PITPNM3: variants seen among roughly 807,000 people sequenced by gnomAD.
PITPNM3 encodes the protein membrane-associated phosphatidylinositol transfer protein 3.
Under a neutral mutation model 102.0 loss-of-function variants are expected in PITPNM3, and 26 were observed. The ratio of observed to expected loss-of-function variants is 0.25; its 90% CI spans 0.19 to 0.35. PITPNM3 has a LOEUF of 0.35. Ranked by LOEUF, PITPNM3 falls within the 10% of genes least tolerant of loss-of-function variation. The pLI is 1.00. For synonymous variants in PITPNM3, 578 were observed against 558.6 expected, an observed-to-expected ratio of 1.03 and a Z score of -0.49; for missense variants, 1,083 against 1,346.1, an observed-to-expected ratio of 0.80 and a Z score of 3.06.
chr17:6,468,270 G>A lies in PITPNM3; in HGVS notation c.1845C>T (p.Asn615=), dbSNP rs769461182. The change falls in exon 14 of 20, where the codon AAC becomes AAT. Residue 615 remains asparagine (N), a synonymous_variant. Coordinates refer to ENST00000262483, the MANE Select transcript of PITPNM3 (RefSeq NM_031220.4). This position sits in a 1 kb window ranked among gnomAD's most constrained non-coding sequence, Gnocchi z 5.2. The part of the protein sequence containing the change: ...RLDPAALSPA[N]PREKWLRKRT... ...GCTTACGAAGCCACTTCTCCCGGGG[G>A]TTGGCAGGACTCAGTGCTGCAGGGT... 21 of 1,613,784 alleles carry A rather than the reference G, an allele frequency of 1.3e-5. No homozygotes were observed. In the Admixed American group the frequency reaches 3.3e-4, roughly 26 times the overall value.
rs997829645 is a variant in PITPNM3, at chr17:6,457,061, G to A, written c.2619+533C>T. Among the ~76,000 whole-genome samples the A allele has an allele frequency of 2.7e-5, 4 of 146,800 alleles. No individual in the cohort carries two copies. Among genetic ancestry groups the A allele is most frequent in the South Asian group, 2.3e-4 (1 of 4,332 alleles). ...ACAGGCCATCTTGGCCGCACTGACC[G>A]TTCTAGCCCCGCCCCCCCACCTCCC... On this transcript the variant is annotated intron_variant, in intron 19 of 19. Transcript: ENST00000262483. The surrounding 1 kb of genome is among the most constrained non-coding windows in gnomAD (Gnocchi z 4.7).
chr17:6,508,316 C>G (rs1176865574), intron 3 of PITPNM3, among the ~76,000 whole-genome samples: 1 of 152,230 alleles, frequency 6.6e-6, no homozygotes, highest in Non-Finnish European at 1.5e-5. Flanking sequence ...TCTGGCTTGC[C>G]TAGTGCTTTC....
At chr17:6,471,392 GT>G in intron 11 of PITPNM3, 37 bp from the exon 12 acceptor site, 1 of 1,506,358 alleles carries the variant, frequency 6.6e-7, no homozygotes, top group Non-Finnish European at 8.9e-7. Flanking sequence ...TGAGTCACGT[GT>G]CTCCAGCAGA....
At chr17:6,543,467 G>A (rs1215874127) in intron 1 of PITPNM3, among the ~76,000 whole-genome samples, 3 of 152,250 alleles carry the variant, frequency 2.0e-5, no homozygotes, top group African/African-American at 7.2e-5. Context: ...GAAGGGAGAT[G>A]CCTCCCCCAT....
Position 6,474,169 on chromosome 17 carries a change from A to G in PITPNM3, c.1258+263T>C, listed in dbSNP as rs1260738253. ...CTTCCCCATAGGGCGTGACCACCGG[A>G]CAATGAGGCCACAAAGCAGCCAGGG... On this transcript the variant is annotated intron_variant, in intron 10 of 19. Coordinates refer to ENST00000262483, the MANE Select transcript of PITPNM3 (RefSeq NM_031220.4). Among the ~76,000 whole-genome samples, 5 of 152,022 alleles carry G rather than the reference A, an allele frequency of 3.3e-5. No individual in the cohort carries two copies. In the East Asian group the frequency reaches 9.7e-4, roughly 29 times the overall value.
rs1350287537 is a variant in PITPNM3 at position 6,508,009 on chromosome 17, T to G, written c.227-4435A>C. The stretch of plus-strand genomic sequence containing the variant: ...GGGATGCAGCTGGGGTTGCTGGGAA[T>G]GCTGGGGATGCAGCTGGGGTTGCTG... On this transcript the variant is annotated intron_variant, in intron 3 of 19. Transcript: ENST00000262483. 2.0e-5 allele frequency among the ~76,000 whole-genome samples: 3 copies of G among 151,362 alleles called. No homozygotes were observed. In the East Asian group the frequency reaches 5.8e-4, roughly 29 times the overall value.
rs533243385 is a variant in PITPNM3, at chr17:6,537,404, G to A, written c.118+583C>T. 7.2e-4 allele frequency among the ~76,000 whole-genome samples: 110 copies of A among 152,020 alleles called. No individual in the cohort carries two copies. Among genetic ancestry groups the A allele is most frequent in the African/African-American group, 2.1e-3 (86 of 41,470 alleles). On this transcript the variant is annotated intron_variant, in intron 2 of 19. Transcript: ENST00000262483. This position sits in a 1 kb window ranked among gnomAD's most constrained non-coding sequence, Gnocchi z 4.4. ...ATTACAGGCACCCGCCACCACACCCGGCTAATGTTTTGTATTTTTAGTAGA... is the reference window on the plus strand; with the variant it reads ...ATTACAGGCACCCGCCACCACACCCAGCTAATGTTTTGTATTTTTAGTAGA...
At chr17:6,462,522 A>AC (rs762153383) in intron 17 of PITPNM3, among the ~76,000 whole-genome samples, 5 of 151,122 alleles carry the variant, frequency 3.3e-5, no homozygotes, top group African/African-American at 4.9e-5. Context: ...ATCTTTCAAG[A>AC]CCCCCCTTCC....
chr17:6,511,710 A>T (rs190725199), intron 3 of PITPNM3, among the ~76,000 whole-genome samples: 1 of 152,262 alleles, frequency 6.6e-6, no homozygotes, highest in East Asian at 1.9e-4. Context: ...TTGGCCAGGC[A>T]CAGTGGCTCA....
intron 8 of PITPNM3, 29 bp downstream of exon 8, chr17:6,477,946 C>T (rs764662806): frequency 1.9e-6 from 3 of 1,609,084 alleles, no homozygotes; most frequent in Admixed American, 1.7e-5. Context: ...TGGGCATACC[C>T]CTCCCGCGGT....
chr17:6,530,785 G>A (rs1048700892), intron 2 of PITPNM3, among the ~76,000 whole-genome samples: 2 of 152,220 alleles, frequency 1.3e-5, no homozygotes, highest in Non-Finnish European at 2.9e-5. Flanking sequence ...TATTCATGGA[G>A]GGAGGGCTAT....
intron 1 of PITPNM3, among the ~76,000 whole-genome samples, chr17:6,550,947 G>T (rs1910269270): frequency 6.6e-6 from 1 of 152,218 alleles, no homozygotes. Flanking sequence ...GTCTCAGGCT[G>T]GGACCTGCCA....
Position 6,457,926 on chromosome 17 carries a change from C to T in PITPNM3, c.2491-204G>A, listed in dbSNP as rs1296847997. On this transcript the variant is annotated intron_variant, in intron 18 of 19. Transcript: ENST00000262483. This position sits in a 1 kb window ranked among gnomAD's most constrained non-coding sequence, Gnocchi z 4.7. ...ACCCCAGGCCCAACCCAGGTCTCTG[C>T]CCAGTAAACAGTCGTGACCACACCA... Among the ~76,000 whole-genome samples the T allele has an allele frequency of 6.6e-6, 1 of 151,706 alleles. No individual in the cohort carries two copies. The highest frequency in any genetic ancestry group is 1.5e-5 in the Non-Finnish European group (1 of 67,900).
chr17:6,489,966 T>G (rs1341658779), intron 4 of PITPNM3, among the ~76,000 whole-genome samples: 1 of 151,516 alleles, frequency 6.6e-6, no homozygotes, highest in Non-Finnish European at 1.5e-5. Flanking sequence ...ATCACACCAC[T>G]GCACTCCAGC....
chr17:6,451,877 C>CA lies in PITPNM3; in HGVS notation c.*3460_*3461insT, dbSNP rs1358098628. On this transcript the variant is annotated 3_prime_UTR_variant, in exon 20 of 20. Coordinates refer to ENST00000262483, the MANE Select transcript of PITPNM3 (RefSeq NM_031220.4). Reference sequence around the variant, plus strand: ...TCCAGGGCACTTGGCACCCAAACCCCCCCCCCCCGCCCGCCGATGGGATTC... The same window carrying CA: ...TCCAGGGCACTTGGCACCCAAACCCCACCCCCCCCGCCCGCCGATGGGATTC... 1.9e-3 allele frequency: 55 copies of CA among 28,484 alleles called. 9 individuals carry two copies. The highest frequency in any genetic ancestry group is 7.3e-3 in the African/African-American group (51 of 6,998). 1.8% of individuals were successfully genotyped at this position (28,484 alleles called of 1,614,324 possible). A position where few individuals can be genotyped will look rare whatever the true frequency, so the allele number is the denominator to read the frequency against.
chr17:6,529,289 C>T (rs1447250826), intron 2 of PITPNM3, among the ~76,000 whole-genome samples: 1 of 152,120 alleles, frequency 6.6e-6, no homozygotes, highest in Non-Finnish European at 1.5e-5. Flanking sequence ...GACAGGACTC[C>T]AGAGTAAAGA....
intron 10 of PITPNM3, among the ~76,000 whole-genome samples, chr17:6,474,032 G>A (rs906332514): frequency 2.0e-5 from 3 of 151,604 alleles, no homozygotes; most frequent in Non-Finnish European, 4.4e-5. Context: ...GGCACCTGAG[G>A]TGGGCTTGGG....
chr17:6,461,154 T>A (rs374493768), intron 18 of PITPNM3, among the ~76,000 whole-genome samples: 6 of 152,264 alleles, frequency 3.9e-5, no homozygotes, highest in Admixed American at 1.3e-4. Context: ...CTGACTCAGA[T>A]CTAGGGCAAG....
intron 2 of PITPNM3, among the ~76,000 whole-genome samples, chr17:6,530,156 C>T (rs1046986165): frequency 5.3e-5 from 8 of 152,206 alleles, no homozygotes; most frequent in African/African-American, 1.9e-4. Context: ...TCAGTGACAA[C>T]TATCATGGAA....
Sources: allele counts gnomAD v4.1 joint callset (sites outside exome capture counted in the v4.1 genomes callset), GRCh38; gene constraint gnomAD v4.1.1; non-coding constraint Gnocchi (gnomAD v3.1); transcripts MANE v1.5; gene names NCBI Gene and HGNC (gene_info 2026-07-23, HGNC 2026-07-21).